The following ZNF577 variants were observed in gnomAD, a reference collection of about 807,000 sequenced individuals.
ZNF577 encodes the protein zinc finger protein 577.
In ZNF577, 14 loss-of-function variants were observed where a neutral mutation model predicts 13.9. The observed-to-expected ratio is 1.00, with a 90% CI of 0.66 to 1.57. ZNF577 has a LOEUF of 1.57. Among genes scored for constraint, ZNF577 ranks in the 40% most tolerant of loss-of-function variants. The pLI is 0.00. For synonymous variants in ZNF577, 203 were observed against 202.9 expected (o/e 1.00, Z 0.00); for missense variants, 555 against 579.2 (o/e 0.96, Z 0.43).
chr19:51,821,889 G>C (rs1214422957), intron 9 of ZNF577, among the ~76,000 whole-genome samples: 1 of 152,166 alleles, frequency 6.6e-6, no homozygotes, highest in Admixed American at 6.5e-5. Context: ...AACAAGTGCT[G>C]TATAATTGCT....
Position 51,873,487 on chromosome 19 carries a change from G to C in ZNF577, c.503C>G (p.Ser168Cys). Residue 168 changes from serine (S) to cysteine (C), a missense_variant, in exon 6 of 6, where the codon TCC becomes TGC. Coordinates refer to ENST00000638348, the MANE Select transcript of ZNF577 (RefSeq NM_001370449.1). ...ATGTTGAATAAGCTGTGCTTTCCTG[G>C]AGAAGGCTCTCCCGCACACACTGCA... is the stretch of plus-strand genomic sequence containing the variant. ...HECSVCGRAF[S>C]RKAQLIQHQR... is the part of the protein sequence containing the mutation. The C allele has an allele frequency of 1.2e-6, 2 of 1,614,124 alleles. No individual in the cohort carries two copies. Among genetic ancestry groups the C allele is most frequent in the South Asian group, 1.1e-5 (1 of 91,072 alleles).
At chr19:51,862,684 T>A (rs2084516309), downstream of ZNF577, 1 of 152,248 alleles carries the variant, frequency 6.6e-6, no homozygotes. Flanking sequence ...TTTCTGAGGA[T>A]AACTGAGCTC....
chr19:51,805,717 C>T (rs144526787), intron 10 of ZNF577, among the ~76,000 whole-genome samples: 1 of 152,274 alleles, frequency 6.6e-6, no homozygotes, highest in African/African-American at 2.4e-5. Flanking sequence ...CAATTCTCTA[C>T]GTACTGAGCC....
At chr19:51,826,595 C>G (rs10853846) in intron 9 of ZNF577, among the ~76,000 whole-genome samples, 1 of 151,992 alleles carries the variant, frequency 6.6e-6, no homozygotes, top group Non-Finnish European at 1.5e-5. Flanking sequence ...AGTGGGTTCT[C>G]CCTGCCTGCT....
intron 5 of ZNF577, among the ~76,000 whole-genome samples, chr19:51,855,059 C>A (rs2084403847): frequency 6.6e-6 from 1 of 152,198 alleles, no homozygotes. Flanking sequence ...TGAGCCTCCT[C>A]AGGGGTAGTT....
chr19:51,875,997 G>A (rs1399201535), intron 5 of ZNF577, among the ~76,000 whole-genome samples: 1 of 152,322 alleles, frequency 6.6e-6, no homozygotes, highest in East Asian at 1.9e-4. Context: ...GGAGTGATGA[G>A]CAATACAGCA....
rs1245825614 is a variant in ZNF577 at position 51,830,714 on chromosome 19, AT to A, written c.*599+9178del. On this transcript the variant is annotated intron_variant and NMD_transcript_variant, in intron 9 of 10. Transcript: ENST00000638827. ...GTTTGGTTTTCTTCCTACCTCAGTG[AT>A]TTATCTTTCTCAATCTCCTTGACTG... 3.3e-5 allele frequency among the ~76,000 whole-genome samples: 5 copies of A among 152,168 alleles called. No homozygotes were observed. The East Asian group carries it at 9.7e-4, about 29-fold the overall frequency.
At chr19:51,848,730 T>C (rs1399980197) in intron 5 of ZNF577, among the ~76,000 whole-genome samples, 1 of 152,214 alleles carries the variant, frequency 6.6e-6, no homozygotes, top group East Asian at 1.9e-4. Flanking sequence ...CATTTGTCAA[T>C]ACTGTGATGC....
intron 5 of ZNF577, among the ~76,000 whole-genome samples, chr19:51,857,897 C>T (rs1244383949): frequency 1.3e-5 from 2 of 152,050 alleles, no homozygotes; most frequent in East Asian, 1.9e-4. Context: ...TGGTCTCAAA[C>T]TCCTGGGCTC....
intron 9 of ZNF577, among the ~76,000 whole-genome samples, chr19:51,821,690 T>A (rs1179785235): frequency 6.6e-6 from 1 of 152,104 alleles, no homozygotes; most frequent in Non-Finnish European, 1.5e-5. Flanking sequence ...AAATGCAGCA[T>A]TTTAGAGTTG....
At chr19:51,842,559 C>A (rs1344660648) in intron 8 of ZNF577, among the ~76,000 whole-genome samples, 2 of 152,100 alleles carry the variant, frequency 1.3e-5, no homozygotes, top group East Asian at 3.9e-4. Flanking sequence ...TCCCAGCCTG[C>A]AGAACTGTGA....
chr19:51,815,759 G>T (rs1406918280), intron 9 of ZNF577, among the ~76,000 whole-genome samples: 1 of 151,674 alleles, frequency 6.6e-6, no homozygotes, highest in African/African-American at 2.4e-5. Flanking sequence ...TACTTAGGAG[G>T]CTGAGGCTGG....
At chr19:51,819,445 G>A (rs566425232) in intron 9 of ZNF577, among the ~76,000 whole-genome samples, 48 of 152,318 alleles carry the variant, frequency 3.2e-4, no homozygotes, top group Admixed American at 9.2e-4. Flanking sequence ...CAATTGAGCT[G>A]TAAAGACAAC....
At chr19:51,843,920 G>A (rs939108232) in intron 6 of ZNF577, among the ~76,000 whole-genome samples, 13 of 152,268 alleles carry the variant, frequency 8.5e-5, no homozygotes, top group African/African-American at 2.9e-4. Flanking sequence ...ATACCATTCT[G>A]CGTTCAAAGA....
At chr19:51,886,541 T>C (rs1033258515) in intron 1 of ZNF577, 1 of 152,098 alleles carries the variant, frequency 6.6e-6, no homozygotes, top group African/African-American at 2.4e-5. Context: ...CCCTCAGGAA[T>C]ACATGAAATT....
intron 1 of ZNF577, among the ~76,000 whole-genome samples, chr19:51,883,013 GAGA>G (rs1599878715): frequency 1.4e-5 from 1 of 72,356 alleles, no homozygotes; most frequent in Non-Finnish European, 2.8e-5. Flanking sequence ...TTTTTTTTTT[GAGA>G]AGGAGTCTCA....
intron 5 of ZNF577, among the ~76,000 whole-genome samples, chr19:51,874,679 C>T (rs2084727457): frequency 6.6e-6 from 1 of 152,094 alleles, no homozygotes; most frequent in Non-Finnish European, 1.5e-5. Context: ...GCCAAGAAAA[C>T]ATGTTCTGAA....
intron 10 of ZNF577, among the ~76,000 whole-genome samples, chr19:51,807,220 G>A (rs904585595): frequency 6.6e-6 from 1 of 152,182 alleles, no homozygotes; most frequent in Non-Finnish European, 1.5e-5. Flanking sequence ...AGGAAGTGGG[G>A]GGGGTGGTTG....
chr19:51,884,040 G>A (rs2084905001), intron 1 of ZNF577, among the ~76,000 whole-genome samples: 1 of 152,192 alleles, frequency 6.6e-6, no homozygotes, highest in Non-Finnish European at 1.5e-5. Context: ...CGCCACTGCA[G>A]TCCGGCCTCG....
Sources: allele counts gnomAD v4.1 joint callset (sites outside exome capture counted in the v4.1 genomes callset), GRCh38; gene constraint gnomAD v4.1.1; transcripts MANE v1.5; gene names NCBI Gene and HGNC (gene_info 2026-07-23, HGNC 2026-07-21).